Variants in REC114 observed in about 807,000 individuals in gnomAD.
The protein encoded by REC114 is REC114 meiotic recombination protein.
A neutral mutation model predicts 31.3 loss-of-function variants in REC114; 27 were observed. That is an observed-to-expected ratio of 0.86 (90% CI 0.64 to 1.19). The LOEUF (loss-of-function observed/expected upper bound fraction) is 1.19. Ranked by LOEUF, REC114 falls within the 50% of genes most tolerant of loss-of-function variation. The probability of loss-of-function intolerance (pLI) is 0.00; values close to 1 mark genes in which losing one functional copy is unlikely to be tolerated. For missense variants in REC114, 344 were observed against 326.9 expected (o/e 1.05, Z -0.40); for synonymous variants, 134 against 127.7 (o/e 1.05, Z -0.33).
intron 2 of REC114, among the ~76,000 whole-genome samples, chr15:73,514,576 A>G (rs565347212): frequency 3.1e-4 from 47 of 152,316 alleles, no homozygotes; most frequent in African/African-American, 1.0e-3. Context: ...GTCTGTCACA[A>G]TGTTATTCCT....
intron 1 of REC114, among the ~76,000 whole-genome samples, chr15:73,473,338 G>T (rs1469836821): frequency 6.6e-6 from 1 of 150,806 alleles, no homozygotes; most frequent in Non-Finnish European, 1.5e-5. Flanking sequence ...GCTGTGAGCC[G>T]AGATCACACC....
At chr15:73,537,858 T>G (rs1894179370) in intron 2 of REC114, among the ~76,000 whole-genome samples, 1 of 152,194 alleles carries the variant, frequency 6.6e-6, no homozygotes, top group Admixed American at 6.5e-5. Context: ...GCAGATAATA[T>G]TTTTATTAGC....
intron 2 of REC114, among the ~76,000 whole-genome samples, chr15:73,501,758 T>G (rs1479357651): frequency 6.6e-6 from 1 of 152,170 alleles, no homozygotes; most frequent in Non-Finnish European, 1.5e-5. Context: ...AGTTTTATTA[T>G]TAAAGAAGGA....
In REC114 at chr15:73,453,694, C is replaced by T. The variant is rs561192434; in HGVS notation, c.159+10350C>T. Among the ~76,000 whole-genome samples, 50 of 152,190 alleles carry T rather than the reference C, an allele frequency of 3.3e-4. 1 individual carries two copies. The highest frequency in any genetic ancestry group is 2.2e-3 in the Admixed American group (33 of 15,284). On this transcript the variant is annotated intron_variant, in intron 1 of 5. Coordinates refer to ENST00000331090, the MANE Select transcript of REC114 (RefSeq NM_001042367.2). The stretch of plus-strand genomic sequence containing the variant: ...TGTATGTTTATTGCAGCACTGTTCA[C>T]AATAGCAAAGACTTGGAACCAACCC...
intron 2 of REC114, among the ~76,000 whole-genome samples, chr15:73,495,593 A>T (rs1280535999): frequency 6.6e-6 from 1 of 150,730 alleles, no homozygotes; most frequent in African/African-American, 2.4e-5. Flanking sequence ...TTATCATCTT[A>T]TCAAATTACA....
chr15:73,525,621 T>TATTTGGAG (rs1438221852), intron 2 of REC114, among the ~76,000 whole-genome samples: 20 of 152,102 alleles, frequency 1.3e-4, no homozygotes, highest in African/African-American at 4.8e-4. Flanking sequence ...AATTTGTAAA[T>TATTTGGAG]ATTTGGAGAT....
Position 73,443,184 on chromosome 15 carries a change from A to G in REC114, c.-2A>G, listed in dbSNP as rs992289597. Reference sequence around the variant, plus strand: ...CCGGCAGTGCGTGTGGTGAGGCAGGACATGGCGGAGGCAGGAAAAGTGCCC... The same window carrying G: ...CCGGCAGTGCGTGTGGTGAGGCAGGGCATGGCGGAGGCAGGAAAAGTGCCC... On this transcript the variant is annotated 5_prime_UTR_variant, in exon 1 of 6. Transcript: ENST00000331090. 30 of 1,561,910 alleles carry G rather than the reference A, an allele frequency of 1.9e-5. No homozygotes were observed. The highest frequency in any genetic ancestry group is 1.8e-4 in the Middle Eastern group (1 of 5,700).
chr15:73,521,476 T>G (rs1287400971), intron 2 of REC114, among the ~76,000 whole-genome samples: 1 of 151,196 alleles, frequency 6.6e-6, no homozygotes, highest in Non-Finnish European at 1.5e-5. Flanking sequence ...CTAAGGAAAA[T>G]AGAAGAAATA....
intron 2 of REC114, among the ~76,000 whole-genome samples, chr15:73,516,078 C>G (rs1339374987): frequency 2.6e-5 from 4 of 151,820 alleles, no homozygotes; most frequent in Non-Finnish European, 5.9e-5. Context: ...CCTCCGCCTC[C>G]CAGGTTCAAG....
intron 5 of REC114, among the ~76,000 whole-genome samples, chr15:73,558,790 T>C (rs2141340557): frequency 6.6e-6 from 1 of 152,322 alleles, no homozygotes; most frequent in South Asian, 2.1e-4. Flanking sequence ...ACCACATGAC[T>C]CAATCCTAGG....
chr15:73,473,981 T>A (rs1893174072), intron 2 of REC114, 60 bp downstream of exon 2: 2 of 1,116,010 alleles, frequency 1.8e-6, no homozygotes, highest in Non-Finnish European at 2.6e-6. Context: ...TAGCTTTACA[T>A]GAATTTTTGT....
intron 1 of REC114, among the ~76,000 whole-genome samples, chr15:73,461,441 C>T (rs1202851627): frequency 6.6e-6 from 1 of 151,930 alleles, no homozygotes; most frequent in Non-Finnish European, 1.5e-5. Context: ...AAAACAAAAC[C>T]CCTGATCTAG....
At chr15:73,509,036 G>T (rs1459572934) in intron 2 of REC114, among the ~76,000 whole-genome samples, 1 of 151,748 alleles carries the variant, frequency 6.6e-6, no homozygotes, top group Non-Finnish European at 1.5e-5. Context: ...TTCCACAATG[G>T]TTGAACTAGT....
At chr15:73,458,280 C>G (rs1042941910) in intron 1 of REC114, among the ~76,000 whole-genome samples, 30 of 152,134 alleles carry the variant, frequency 2.0e-4, no homozygotes, top group Admixed American at 6.5e-5. Context: ...AGACAAAAAG[C>G]TGAGGCCTAA....
chr15:73,488,316 G>A lies in REC114; in HGVS notation c.249+14395G>A, dbSNP rs182800842. ...TCCATACTATTCTTTTTATCAAATA[G>A]TTGCTTGGCCATACCTTTAGGGTTT... On this transcript the variant is annotated intron_variant, in intron 2 of 5. Coordinates refer to ENST00000331090, the MANE Select transcript of REC114 (RefSeq NM_001042367.2). 3.5e-3 allele frequency among the ~76,000 whole-genome samples: 528 copies of A among 152,272 alleles called. 7 individuals carry two copies. The highest frequency in any genetic ancestry group is 6.8e-3 in the Middle Eastern group (2 of 294).
At chr15:73,491,604 A>G (rs1893448231) in intron 2 of REC114, among the ~76,000 whole-genome samples, 1 of 152,228 alleles carries the variant, frequency 6.6e-6, no homozygotes, top group Non-Finnish European at 1.5e-5. Context: ...AGTTTTTCAA[A>G]GTGATTGTAT....
chr15:73,548,931 A>G (rs944816433), intron 3 of REC114, among the ~76,000 whole-genome samples: 1 of 152,208 alleles, frequency 6.6e-6, no homozygotes, highest in Non-Finnish European at 1.5e-5. Context: ...ACAGGAACAG[A>G]AAACCAAATA....
In REC114 at chr15:73,487,645, C is replaced by T. The variant is rs181553507; in HGVS notation, c.249+13724C>T. 2.1e-3 allele frequency among the ~76,000 whole-genome samples: 315 copies of T among 152,366 alleles called. 1 individual carries two copies. Among genetic ancestry groups the T allele is most frequent in the African/African-American group, 6.2e-3 (258 of 41,582 alleles). ...CCTGCCCGTTAGAACTTTGTGAGCA[C>T]GGCCCACACAGCAGTTCTCATGCGT... On this transcript the variant is annotated intron_variant, in intron 2 of 5. Coordinates refer to ENST00000331090, the MANE Select transcript of REC114 (RefSeq NM_001042367.2).
intron 2 of REC114, among the ~76,000 whole-genome samples, chr15:73,490,809 C>T (rs931473430): frequency 2.0e-5 from 3 of 151,178 alleles, no homozygotes; most frequent in Non-Finnish European, 2.9e-5. Context: ...TTCATTCCTT[C>T]GCCCCCACCA....
Sources: gnomAD v4.1 joint callset for allele counts (sites outside exome capture counted in the v4.1 genomes callset) on GRCh38, gnomAD v4.1.1 for gene constraint, MANE v1.5 for transcripts, NCBI Gene and HGNC (gene_info 2026-07-23, HGNC 2026-07-21) for gene names.